FAT3: variants seen among roughly 807,000 people sequenced by gnomAD.
FAT3 encodes protocadherin Fat 3.
Under a neutral mutation model 310.2 loss-of-function variants are expected in FAT3, and 95 were observed. The ratio of observed to expected loss-of-function variants is 0.31; its 90% CI spans 0.26 to 0.36. FAT3 has a LOEUF of 0.36. Among genes scored for constraint, FAT3 ranks in the 10% least tolerant of loss-of-function variants. The pLI, the probability that FAT3 is intolerant of heterozygous loss-of-function variation, is 1.00. For synonymous variants in FAT3, 2,314 were observed against 2,192.9 expected, an observed-to-expected ratio of 1.06 and a Z score of -1.54; for missense variants, 5,408 against 5,715.6, an observed-to-expected ratio of 0.95 and a Z score of 1.74.
chr11:92,864,277 T>C (rs896098565), intron 21 of FAT3, among the ~76,000 whole-genome samples: 1 of 152,158 alleles, frequency 6.6e-6, no homozygotes, highest in African/African-American at 2.4e-5. Flanking sequence ...TAAATTGCAC[T>C]CTCACCACCA....
intron 3 of FAT3, among the ~76,000 whole-genome samples, chr11:92,650,835 G>T (rs1223300364): frequency 1.3e-5 from 2 of 152,152 alleles, no homozygotes; most frequent in East Asian, 3.9e-4. Context: ...TTACCTTAAA[G>T]GGATATTGTG....
intron 22 of FAT3, among the ~76,000 whole-genome samples, chr11:92,876,552 G>T (rs1043614278): frequency 6.6e-6 from 1 of 152,118 alleles, no homozygotes; most frequent in African/African-American, 2.4e-5. Context: ...TTGCGTTTAA[G>T]GGCATTCTTT....
At chr11:92,566,795 C>A (rs1955469058) in intron 3 of FAT3, among the ~76,000 whole-genome samples, 2 of 152,106 alleles carry the variant, frequency 1.3e-5, no homozygotes. Flanking sequence ...GAAAGGATTC[C>A]CTATTTAATA....
intron 2 of FAT3, among the ~76,000 whole-genome samples, chr11:92,434,653 G>A (rs1950885442): frequency 6.6e-6 from 1 of 152,186 alleles, no homozygotes; most frequent in Non-Finnish European, 1.5e-5. Context: ...CTGATTAGCT[G>A]TGAGGACAGC....
intron 3 of FAT3, among the ~76,000 whole-genome samples, chr11:92,678,765 T>C (rs1050544130): frequency 1.5e-4 from 23 of 152,322 alleles, no homozygotes; most frequent in Admixed American, 1.5e-3. Flanking sequence ...ATCTGGGTAA[T>C]TATGTGAAAT....
chr11:92,657,041 G>T lies in FAT3; in HGVS notation c.3608-40343G>T, dbSNP rs945114236. On this transcript the variant is annotated intron_variant, in intron 3 of 27. Coordinates refer to ENST00000525166, the MANE Select transcript of FAT3 (RefSeq NM_001367949.2). ...AAAATGTACCAGTACCAGGGAGTAA[G>T]CTAGAGAAGACCCTGTTCTACAGGA... Among the ~76,000 whole-genome samples, 4 of 152,294 alleles carry T rather than the reference G, an allele frequency of 2.6e-5. No individual in the cohort carries two copies. The South Asian group carries it at 8.3e-4, about 32-fold the overall frequency.
intron 1 of FAT3, among the ~76,000 whole-genome samples, chr11:92,290,198 C>T (rs1946655698): frequency 6.6e-6 from 1 of 152,078 alleles, no homozygotes; most frequent in Non-Finnish European, 1.5e-5. Flanking sequence ...ATCCCTCTTT[C>T]CTGCCTTCTT....
intron 21 of FAT3, among the ~76,000 whole-genome samples, chr11:92,863,238 C>G (rs1359859730): frequency 1.3e-5 from 2 of 152,008 alleles, no homozygotes; most frequent in Non-Finnish European, 2.9e-5. Flanking sequence ...CTACTGTGCC[C>G]AACTCAGGGA....
chr11:92,416,898 C>CAGAT (rs1165922978), intron 2 of FAT3, among the ~76,000 whole-genome samples: 14 of 152,110 alleles, frequency 9.2e-5, no homozygotes, highest in Admixed American at 1.3e-4. Flanking sequence ...TTGGTTGGAG[C>CAGAT]AGATGATGAT....
chr11:92,327,802 G>A (rs1286721298), intron 1 of FAT3, among the ~76,000 whole-genome samples: 1 of 152,126 alleles, frequency 6.6e-6, no homozygotes, highest in African/African-American at 2.4e-5. Context: ...AAAACAAGGG[G>A]GATAGTTTGC....
At chr11:92,419,801 T>G (rs1392886201) in intron 2 of FAT3, among the ~76,000 whole-genome samples, 1 of 152,196 alleles carries the variant, frequency 6.6e-6, no homozygotes, top group African/African-American at 2.4e-5. Flanking sequence ...CGATTTCAGA[T>G]GGACTCCTTT....
chr11:92,867,330 G>A, intron 22 of FAT3, 121 bp downstream of exon 22: 1 of 1,022,132 alleles, frequency 9.8e-7, no homozygotes, highest in Non-Finnish European at 1.4e-6. Flanking sequence ...TCACACCCAA[G>A]ATGCTCGCCA....
At chr11:92,553,896 A>G (rs1302449416) in intron 3 of FAT3, among the ~76,000 whole-genome samples, 1 of 150,828 alleles carries the variant, frequency 6.6e-6, no homozygotes, top group Non-Finnish European at 1.5e-5. Flanking sequence ...AGCTCTGCCT[A>G]CCAGGTTCAA....
intron 4 of FAT3, among the ~76,000 whole-genome samples, chr11:92,747,303 A>C (rs1368517866): frequency 6.6e-6 from 1 of 152,230 alleles, no homozygotes; most frequent in East Asian, 1.9e-4. Context: ...CCAAAGCTTA[A>C]GGCTTGCACC....
chr11:92,824,847 C>T (rs937287277), intron 13 of FAT3, among the ~76,000 whole-genome samples: 1 of 151,894 alleles, frequency 6.6e-6, no homozygotes, highest in Non-Finnish European at 1.5e-5. Flanking sequence ...TGATGACCTG[C>T]AACTATATTT....
chr11:92,369,145 A>G (rs576709788), intron 2 of FAT3, among the ~76,000 whole-genome samples: 2 of 152,272 alleles, frequency 1.3e-5, no homozygotes, highest in South Asian at 4.2e-4. Flanking sequence ...GAAATTTTGA[A>G]CTGATGCGGT....
At chr11:92,317,906 A>C (rs1394158319) in intron 1 of FAT3, among the ~76,000 whole-genome samples, 1 of 152,212 alleles carries the variant, frequency 6.6e-6, no homozygotes, top group Non-Finnish European at 1.5e-5. Flanking sequence ...TATTCAGTAC[A>C]AAAGTCTCCA....
At chr11:92,266,315 A>G (rs1945948000) in intron 1 of FAT3, among the ~76,000 whole-genome samples, 1 of 152,070 alleles carries the variant, frequency 6.6e-6, no homozygotes, top group African/African-American at 2.4e-5. Flanking sequence ...TCGACAATGT[A>G]TTTTCTCTTT....
intron 4 of FAT3, among the ~76,000 whole-genome samples, chr11:92,753,671 A>G (rs1945886336): frequency 2.0e-5 from 3 of 152,070 alleles, no homozygotes; most frequent in Non-Finnish European, 2.9e-5. Context: ...CTCAAAAACT[A>G]AAAATGGAAC....
Sources: allele counts gnomAD v4.1 joint callset (sites outside exome capture counted in the v4.1 genomes callset), GRCh38; gene constraint gnomAD v4.1.1; transcripts MANE v1.5; gene names NCBI Gene and HGNC (gene_info 2026-07-23, HGNC 2026-07-21).